GNG4: variants seen among roughly 807,000 people sequenced by gnomAD.
The protein encoded by GNG4 is G protein subunit gamma 4.
Under a neutral mutation model 5.8 loss-of-function variants are expected in GNG4, and 4 were observed. That is an observed-to-expected ratio of 0.69 (90% CI 0.34 to 1.57). GNG4 has a LOEUF of 1.57. Ranked by LOEUF, GNG4 falls within the 40% of genes most tolerant of loss-of-function variation. The probability of loss-of-function intolerance (pLI) is 0.06; values close to 1 mark genes in which losing one functional copy is unlikely to be tolerated. For missense variants in GNG4, 96 were observed against 95.1 expected, an observed-to-expected ratio of 1.01 and a Z score of -0.04; for synonymous variants, 29 against 32.9, an observed-to-expected ratio of 0.88 and a Z score of 0.41.
rs993950076 is a variant in GNG4 at position 235,584,530 on chromosome 1, A to AAC, written c.-10-684_-10-683dup. On this transcript the variant is annotated intron_variant, in intron 2 of 3. Transcript: ENST00000391854. Reference sequence around the variant, plus strand: ...GTTTTCAACAATAAACACACGCACAAACACACACTCTCTCTCTCTTTCTTC... The same window carrying AAC: ...GTTTTCAACAATAAACACACGCACAAACACACACACTCTCTCTCTCTTTCTTC... Among the ~76,000 whole-genome samples the AAC allele has an allele frequency of 8.9e-4, 136 of 152,318 alleles. 1 individual carries two copies. The highest frequency in any genetic ancestry group is 3.2e-3 in the African/African-American group (134 of 41,566).
chr1:235,640,785 C>T (rs947764644), intron 1 of GNG4, among the ~76,000 whole-genome samples: 2 of 152,330 alleles, frequency 1.3e-5, no homozygotes, highest in South Asian at 2.1e-4. Flanking sequence ...TCAAATTGCC[C>T]GGTGGGCCAG....
At chr1:235,638,895 C>T (rs534092987) in intron 1 of GNG4, among the ~76,000 whole-genome samples, 3 of 152,162 alleles carry the variant, frequency 2.0e-5, no homozygotes, top group African/African-American at 7.2e-5. Context: ...TTTCTTTATC[C>T]AGTCTATCAT....
At position 235,593,298 on chromosome 1, in the gene GNG4, A is replaced by C. The variant is rs542052205; in HGVS notation, c.-11+2102T>G. Among the ~76,000 whole-genome samples, 3 of 152,300 alleles carry C rather than the reference A, an allele frequency of 2.0e-5. No homozygotes were observed. The South Asian group carries it at 6.2e-4, about 32-fold the overall frequency. On this transcript the variant is annotated intron_variant, in intron 2 of 3. Transcript: ENST00000391854. ...GCATCTTGCAGCACACAACTCAGTAAATACAAAGTTGGGGCTGGGAGACCA... is the reference window on the plus strand; with the variant it reads ...GCATCTTGCAGCACACAACTCAGTACATACAAAGTTGGGGCTGGGAGACCA...
At chr1:235,556,927 C>A (rs550665182) in intron 3 of GNG4, among the ~76,000 whole-genome samples, 8 of 151,916 alleles carry the variant, frequency 5.3e-5, no homozygotes, top group Non-Finnish European at 8.8e-5. Flanking sequence ...ATCCCTCACA[C>A]GCGCAGTTCA....
chr1:235,584,170 T>G (rs1264784887), intron 2 of GNG4, among the ~76,000 whole-genome samples: 1 of 152,220 alleles, frequency 6.6e-6, no homozygotes, highest in South Asian at 2.1e-4. Flanking sequence ...TGCTTGGACA[T>G]TCGTATAGTG....
intron 1 of GNG4, among the ~76,000 whole-genome samples, chr1:235,598,732 A>ATTTTT (rs34577116): frequency 6.8e-6 from 1 of 146,546 alleles, no homozygotes; most frequent in African/African-American, 2.5e-5. Context: ...TTCCCAGGTG[A>ATTTTT]TTTTTTTTTT....
chr1:235,646,673 G>A (rs990387708), intron 1 of GNG4, among the ~76,000 whole-genome samples: 1 of 152,156 alleles, frequency 6.6e-6, no homozygotes, highest in African/African-American at 2.4e-5. Flanking sequence ...CAGTGAGCAC[G>A]GCGTCTTGCA....
At chr1:235,604,188 C>T (rs751953225) in intron 1 of GNG4, among the ~76,000 whole-genome samples, 8 of 152,174 alleles carry the variant, frequency 5.3e-5, no homozygotes, top group Non-Finnish European at 7.3e-5. Flanking sequence ...TTGACCGGCA[C>T]GTATGGAGGA....
intron 3 of GNG4, among the ~76,000 whole-genome samples, chr1:235,581,275 T>C (rs2102939358): frequency 6.6e-6 from 1 of 152,148 alleles, no homozygotes; most frequent in South Asian, 2.1e-4. Flanking sequence ...TGTTTAAAAG[T>C]GTGTAGCACC....
chr1:235,632,670 C>G (rs1158878902), intron 1 of GNG4, among the ~76,000 whole-genome samples: 1 of 152,128 alleles, frequency 6.6e-6, no homozygotes, highest in Non-Finnish European at 1.5e-5. Flanking sequence ...CTGTCGTCTT[C>G]CTGCCCCAAA....
chr1:235,591,095 T>C (rs928880213), intron 2 of GNG4, among the ~76,000 whole-genome samples: 2 of 152,150 alleles, frequency 1.3e-5, no homozygotes. Flanking sequence ...CAGGGGAACA[T>C]GGAGGTCCGG....
At chr1:235,552,493 G>C (rs1558470200) in intron 3 of GNG4, among the ~76,000 whole-genome samples, 1 of 152,178 alleles carries the variant, frequency 6.6e-6, no homozygotes, top group Non-Finnish European at 1.5e-5. Context: ...GCTGGCAGGA[G>C]GCCCAGACAG....
At position 235,639,839 on chromosome 1, in the gene GNG4, C is replaced by T. The variant is rs186856379; in HGVS notation, c.-123+9823G>A. ...GTGTTATAATCCTCTGTCTCCCTCA[C>T]TGGATTGTAAATGCCTCAGGAGCAG... On this transcript the variant is annotated intron_variant, in intron 1 of 3. Coordinates refer to ENST00000391854, the MANE Select transcript of GNG4 (RefSeq NM_001098722.2). Among the ~76,000 whole-genome samples, 634 of 152,320 alleles carry T rather than the reference C, an allele frequency of 4.2e-3. 8 individuals carry two copies. The highest frequency in any genetic ancestry group is 5.0e-3 in the Non-Finnish European group (342 of 68,022).
intron 2 of GNG4, among the ~76,000 whole-genome samples, chr1:235,593,310 G>C (rs1352795790): frequency 6.6e-6 from 1 of 152,158 alleles, no homozygotes; most frequent in Non-Finnish European, 1.5e-5. Context: ...TACAAAGTTG[G>C]GGCTGGGAGA....
chr1:235,599,081 A>G (rs1373386823), intron 1 of GNG4, among the ~76,000 whole-genome samples: 1 of 152,094 alleles, frequency 6.6e-6, no homozygotes, highest in Non-Finnish European at 1.5e-5. Flanking sequence ...TCAAGTCTGC[A>G]TCTAGCTGGA....
chr1:235,558,125 A>G (rs1456268543), intron 3 of GNG4, among the ~76,000 whole-genome samples: 1 of 152,214 alleles, frequency 6.6e-6, no homozygotes, highest in East Asian at 1.9e-4. Flanking sequence ...GAATGCACAC[A>G]CAATGAAGCC....
At chr1:235,645,591 A>G (rs1262457330) in intron 1 of GNG4, among the ~76,000 whole-genome samples, 1 of 152,090 alleles carries the variant, frequency 6.6e-6, no homozygotes, top group Non-Finnish European at 1.5e-5. Flanking sequence ...TGAGGTCAGG[A>G]GTTCGAGACC....
intron 3 of GNG4, among the ~76,000 whole-genome samples, chr1:235,552,606 C>T (rs2102907813): frequency 6.6e-6 from 1 of 152,276 alleles, no homozygotes; most frequent in East Asian, 1.9e-4. Flanking sequence ...GAAGGCAGCC[C>T]CTGGCCAAGC....
intron 3 of GNG4, among the ~76,000 whole-genome samples, chr1:235,570,237 T>C (rs1283931892): frequency 6.6e-6 from 1 of 152,158 alleles, no homozygotes; most frequent in Admixed American, 6.6e-5. Context: ...TTTCTTTTGT[T>C]TCCTGTGCAC....
Sources: allele counts gnomAD v4.1 joint callset (sites outside exome capture counted in the v4.1 genomes callset), GRCh38; gene constraint gnomAD v4.1.1; transcripts MANE v1.5; gene names NCBI Gene and HGNC (gene_info 2026-07-23, HGNC 2026-07-21).